The following EPHA6 variants were observed in gnomAD, a reference collection of about 807,000 sequenced individuals.
EPHA6 encodes the protein ephrin type-A receptor 6.
EPHA6 carries 50 observed loss-of-function variants against 112.0 expected under a neutral mutation model. The ratio of observed to expected loss-of-function variants is 0.45; its 90% CI spans 0.36 to 0.56. EPHA6 has a LOEUF of 0.56. Among genes scored for constraint, EPHA6 ranks in the 20% least tolerant of loss-of-function variants. The pLI is 0.00. For missense variants in EPHA6, 1,280 were observed against 1,417.4 expected (o/e 0.90, Z 1.56); for synonymous variants, 529 against 490.7 (o/e 1.08, Z -1.03).
intron 2 of EPHA6, among the ~76,000 whole-genome samples, chr3:96,919,034 T>G (rs908773110): frequency 2.6e-5 from 4 of 152,104 alleles, no homozygotes; most frequent in Admixed American, 6.5e-5. Context: ...GCTGTCACAA[T>G]TTCTTTAAGA....
At chr3:97,193,842 T>C (rs2077370722) in intron 3 of EPHA6, among the ~76,000 whole-genome samples, 1 of 152,076 alleles carries the variant, frequency 6.6e-6, no homozygotes, top group African/African-American at 2.4e-5. Flanking sequence ...TGAGAGTTTC[T>C]ATCACGAAGG....
intron 1 of EPHA6, among the ~76,000 whole-genome samples, chr3:96,832,318 G>A (rs1027426104): frequency 2.0e-5 from 3 of 152,004 alleles, no homozygotes; most frequent in East Asian, 3.9e-4. Context: ...TACTACCATC[G>A]ATAGAATATT....
chr3:97,593,462 G>GTCT (rs2093562510), intron 12 of EPHA6, among the ~76,000 whole-genome samples: 1 of 152,052 alleles, frequency 6.6e-6, no homozygotes, highest in African/African-American at 2.4e-5. Flanking sequence ...TTTTATATGT[G>GTCT]TCTTAGCAAA....
chr3:96,855,274 C>T (rs961235592), intron 1 of EPHA6, among the ~76,000 whole-genome samples: 5 of 152,126 alleles, frequency 3.3e-5, no homozygotes, highest in African/African-American at 1.2e-4. Context: ...AACGTTAATT[C>T]CATCTGCAAC....
intron 6 of EPHA6, among the ~76,000 whole-genome samples, chr3:97,413,604 A>G (rs1194539655): frequency 6.6e-6 from 1 of 152,100 alleles, no homozygotes; most frequent in Admixed American, 6.6e-5. Flanking sequence ...AAATGAGGCT[A>G]TGATACAAGG....
At chr3:97,313,746 T>G (rs988574848) in intron 5 of EPHA6, among the ~76,000 whole-genome samples, 3 of 151,678 alleles carry the variant, frequency 2.0e-5, no homozygotes, top group Non-Finnish European at 3.0e-5. Context: ...GCTTTTGAGT[T>G]GATACGTTCC....
At chr3:97,558,226 C>T (rs1378254988) in intron 11 of EPHA6, among the ~76,000 whole-genome samples, 1 of 152,012 alleles carries the variant, frequency 6.6e-6, no homozygotes, top group South Asian at 2.1e-4. Flanking sequence ...CCTTTTCCAG[C>T]TGAAGGCATA....
At chr3:97,524,745 G>A (rs1560099288) in intron 10 of EPHA6, among the ~76,000 whole-genome samples, 1 of 152,078 alleles carries the variant, frequency 6.6e-6, no homozygotes, top group Non-Finnish European at 1.5e-5. Flanking sequence ...GTGTTGCTGG[G>A]TGTAGTATGT....
chr3:97,141,205 A>G (rs1187487463), intron 3 of EPHA6, among the ~76,000 whole-genome samples: 1 of 152,056 alleles, frequency 6.6e-6, no homozygotes, highest in East Asian at 1.9e-4. Context: ...ACTAAAGGAA[A>G]GGGATATGTA....
Position 96,987,379 on chromosome 3 carries a change from A to G in EPHA6, c.500A>G (p.Tyr167Cys). The change falls in exon 3 of 18, where the codon TAC (tyrosine) becomes TGC (cysteine). Residue 167 changes from tyrosine (Y) to cysteine (C), a missense_variant. Tyr to Cys is a radical substitution (Grantham distance 194). This residue lies in a region of EPHA6 where 878 missense variants were observed against 999.7 expected (regional missense o/e 0.88). Coordinates refer to ENST00000389672, the MANE Select transcript of EPHA6 (RefSeq NM_001080448.3). ...MDEHNRPIHT[Y>C]QVCNVMEPNQ... ...GAACATAATAGGCCCATTCACACAT[A>G]CCAGGTATGTAATGTAATGGAACCA... 1 of 1,613,882 alleles carries G rather than the reference A, an allele frequency of 6.2e-7. No homozygotes were observed. Among genetic ancestry groups the G allele is most frequent in the Non-Finnish European group, 8.5e-7 (1 of 1,179,794 alleles).
At chr3:97,329,953 A>G (rs143802557) in intron 5 of EPHA6, among the ~76,000 whole-genome samples, 1 of 151,866 alleles carries the variant, frequency 6.6e-6, no homozygotes, top group African/African-American at 2.4e-5. Flanking sequence ...GGTTTTAGGT[A>G]TAACATTTAA....
At chr3:97,697,169 C>T (rs925998098) in intron 14 of EPHA6, among the ~76,000 whole-genome samples, 1 of 152,174 alleles carries the variant, frequency 6.6e-6, no homozygotes, top group African/African-American at 2.4e-5. Flanking sequence ...AAGCTGTGTT[C>T]TCCAAAAATA....
At chr3:97,133,570 T>C (rs1186571410) in intron 3 of EPHA6, among the ~76,000 whole-genome samples, 1 of 152,008 alleles carries the variant, frequency 6.6e-6, no homozygotes, top group Non-Finnish European at 1.5e-5. Context: ...TATCATAAAA[T>C]ATCCCTATGT....
intron 14 of EPHA6, among the ~76,000 whole-genome samples, chr3:97,652,107 TAG>T (rs2094111358): frequency 6.6e-6 from 1 of 152,070 alleles, no homozygotes. Flanking sequence ...ACATTAAATC[TAG>T]AGTTTCAAAG....
At chr3:96,934,079 TG>T (rs907811887) in intron 2 of EPHA6, among the ~76,000 whole-genome samples, 141 of 152,064 alleles carry the variant, frequency 9.3e-4, no homozygotes, top group African/African-American at 2.9e-3. Flanking sequence ...ATAAGCTATT[TG>T]TTAATAGCTT....
intron 3 of EPHA6, among the ~76,000 whole-genome samples, chr3:96,998,211 T>G (rs2043494938): frequency 6.6e-6 from 1 of 151,972 alleles, no homozygotes; most frequent in South Asian, 2.1e-4. Flanking sequence ...TTTCCAGACA[T>G]GACTTACCAT....
At chr3:97,032,260 G>T (rs2044886037) in intron 3 of EPHA6, among the ~76,000 whole-genome samples, 1 of 151,982 alleles carries the variant, frequency 6.6e-6, no homozygotes, top group Non-Finnish European at 1.5e-5. Context: ...GAACAACTTG[G>T]ACACAGGAAG....
At chr3:97,178,864 G>GAAGACAA (rs1424521465) in intron 3 of EPHA6, among the ~76,000 whole-genome samples, 1 of 151,952 alleles carries the variant, frequency 6.6e-6, no homozygotes, top group East Asian at 1.9e-4. Flanking sequence ...TGACCTTCTT[G>GAAGACAA]TATTTGGATA....
chr3:97,128,524 T>C (rs548689386), intron 3 of EPHA6, among the ~76,000 whole-genome samples: 1 of 152,252 alleles, frequency 6.6e-6, no homozygotes, highest in African/African-American at 2.4e-5. Context: ...GGGGGATTTT[T>C]TTTGGAGACA....
Sources: gnomAD v4.1 joint callset for allele counts (sites outside exome capture counted in the v4.1 genomes callset) on GRCh38, gnomAD v4.1.1 for gene constraint, gnomAD v4.1.1 regional missense constraint, MANE v1.5 for transcripts, NCBI Gene and HGNC (gene_info 2026-07-23, HGNC 2026-07-21) for gene names.